COL21A1: variants seen among roughly 807,000 people sequenced by gnomAD.
The protein encoded by COL21A1 is collagen type XXI alpha 1 chain.
A neutral mutation model predicts 137.9 loss-of-function variants in COL21A1; 149 were observed. The ratio of observed to expected loss-of-function variants is 1.08; its 90% CI spans 0.95 to 1.24. The LOEUF is 1.24. Among genes scored for constraint, COL21A1 ranks in the 50% most tolerant of loss-of-function variants. The pLI is 0.00. For missense variants in COL21A1, 1,167 were observed against 1,158.4 expected (o/e 1.01, Z -0.11); for synonymous variants, 456 against 391.5 (o/e 1.16, Z -1.95).
At chr6:56,257,914 A>G (rs1361226945) in intron 1 of COL21A1, among the ~76,000 whole-genome samples, 2 of 152,126 alleles carry the variant, frequency 1.3e-5, no homozygotes, top group African/African-American at 2.4e-5. Context: ...TCATTATTTA[A>G]TCAGTCAGAA....
chr6:56,150,962 G>A (rs556328400), intron 10 of COL21A1, among the ~76,000 whole-genome samples: 2 of 152,178 alleles, frequency 1.3e-5, no homozygotes, highest in African/African-American at 2.4e-5. Context: ...GGTGGCTCAC[G>A]CCTGTAATCC....
At chr6:56,240,690 A>T (rs1782245619) in intron 1 of COL21A1, among the ~76,000 whole-genome samples, 1 of 152,162 alleles carries the variant, frequency 6.6e-6, no homozygotes, top group Admixed American at 6.5e-5. Context: ...AATGAAAGAG[A>T]ACTTTGCAAG....
At chr6:56,100,226 C>G (rs1158253398) in intron 17 of COL21A1, among the ~76,000 whole-genome samples, 2 of 152,190 alleles carry the variant, frequency 1.3e-5, no homozygotes, top group Non-Finnish European at 2.9e-5. Flanking sequence ...GATGAGTTCT[C>G]TCTTTCCTGT....
chr6:56,107,617 A>G (rs2152180665), intron 16 of COL21A1, among the ~76,000 whole-genome samples: 1 of 140,612 alleles, frequency 7.1e-6, no homozygotes, highest in Non-Finnish European at 1.5e-5. Flanking sequence ...TTGGCAGTGT[A>G]AGCAATATTT....
At chr6:56,164,115 C>T (rs1776390488) in intron 9 of COL21A1, among the ~76,000 whole-genome samples, 1 of 152,048 alleles carries the variant, frequency 6.6e-6, no homozygotes, top group South Asian at 2.1e-4. Flanking sequence ...TCATTTTTTA[C>T]CAGATTGTAA....
intron 1 of COL21A1, among the ~76,000 whole-genome samples, chr6:56,203,547 A>G (rs1042634152): frequency 1.3e-5 from 2 of 152,256 alleles, no homozygotes; most frequent in African/African-American, 4.8e-5. Flanking sequence ...CATAAGACAG[A>G]TATCTTGTCA....
At chr6:56,388,034 G>A (rs1318454490) in intron 1 of COL21A1, among the ~76,000 whole-genome samples, 1 of 152,188 alleles carries the variant, frequency 6.6e-6, no homozygotes, top group Non-Finnish European at 1.5e-5. Flanking sequence ...AGAGGGAAGA[G>A]TACAGAGAAC....
At chr6:56,066,780 G>T (rs1467315211) in intron 23 of COL21A1, among the ~76,000 whole-genome samples, 1 of 151,594 alleles carries the variant, frequency 6.6e-6, no homozygotes, top group Admixed American at 6.6e-5. Context: ...TTGCTGCTAA[G>T]ACACCCAAAA....
At chr6:56,086,771 C>T (rs1012122228) in intron 17 of COL21A1, among the ~76,000 whole-genome samples, 11 of 152,164 alleles carry the variant, frequency 7.2e-5, no homozygotes, top group African/African-American at 2.7e-4. Flanking sequence ...TCCTATAAGG[C>T]AGCAATCCTT....
intron 12 of COL21A1, among the ~76,000 whole-genome samples, chr6:56,135,141 T>C (rs1925173): frequency 0.15 from 22,824 of 152,030 alleles, 1,755 homozygotes; most frequent in Middle Eastern, 0.22. Flanking sequence ...GAAAAAACTA[T>C]TTTACATGAA....
chr6:56,384,780 T>A (rs1019114126), intron 1 of COL21A1, among the ~76,000 whole-genome samples: 6 of 152,198 alleles, frequency 3.9e-5, no homozygotes, highest in Non-Finnish European at 8.8e-5. Flanking sequence ...TAAGCCACTT[T>A]TCCTCTGTGG....
chr6:56,275,842 T>C (rs55734123), intron 1 of COL21A1, among the ~76,000 whole-genome samples: 39,538 of 152,108 alleles, frequency 0.26, 6,408 homozygotes, highest in East Asian at 0.67. Context: ...AAAACAGAGC[T>C]ACCATTTGAC....
chr6:56,232,586 A>G lies in COL21A1; in HGVS notation c.-39+14801T>C, dbSNP rs78386167. On this transcript the variant is annotated intron_variant, in intron 1 of 29. Transcript: ENST00000244728. ...TCTGTTATAAGGACTTTCAGATTCA[A>G]TGGTGTAAAGCAGAAACAGCTGCAC... Among the ~76,000 whole-genome samples the G allele has an allele frequency of 8.3e-3, 1,256 of 152,044 alleles. 21 individuals are homozygous for G. The highest frequency in any genetic ancestry group is 0.029 in the African/African-American group (1,212 of 41,526).
intron 1 of COL21A1, among the ~76,000 whole-genome samples, chr6:56,303,790 G>A (rs1291884045): frequency 6.6e-6 from 1 of 152,120 alleles, no homozygotes; most frequent in Non-Finnish European, 1.5e-5. Flanking sequence ...TGGTGAGAGA[G>A]GGCATCCCTG....
At position 56,077,593 on chromosome 6, in the gene COL21A1, A is replaced by T; in HGVS notation, c.1813-20T>A. ...GATTCCCTAAAAACAAATAAAATAG[A>T]TTTTTAACTTATAAAAAATTGAAGA... On this transcript the variant is annotated intron_variant, in intron 17 of 29. Coordinates refer to ENST00000244728, the MANE Select transcript of COL21A1 (RefSeq NM_030820.4). 1 of 1,474,884 alleles carries T rather than the reference A, an allele frequency of 6.8e-7. No individual in the cohort carries two copies. Among genetic ancestry groups the T allele is most frequent in the Non-Finnish European group, 9.2e-7 (1 of 1,089,112 alleles). The allele number at this position is 1,474,884 out of a possible 1,614,324, so 91.4% of individuals were successfully genotyped here. A position where few individuals can be genotyped will look rare whatever the true frequency, so the allele number is the denominator to read the frequency against.
chr6:56,173,955 T>C (rs1777256510), intron 3 of COL21A1, among the ~76,000 whole-genome samples: 1 of 152,180 alleles, frequency 6.6e-6, no homozygotes, highest in African/African-American at 2.4e-5. Context: ...ACAAAACATG[T>C]CTTATTTAAG....
chr6:56,101,281 C>G (rs1465688200), intron 17 of COL21A1, among the ~76,000 whole-genome samples, 191 bp downstream of exon 17: 1 of 152,094 alleles, frequency 6.6e-6, no homozygotes, highest in African/African-American at 2.4e-5. Flanking sequence ...CAAAATTCTT[C>G]CTGGTTTCTA....
chr6:56,311,755 A>G (rs1427671075), intron 1 of COL21A1, among the ~76,000 whole-genome samples: 12 of 152,220 alleles, frequency 7.9e-5, no homozygotes. Flanking sequence ...GAGCCTTGAC[A>G]TGGTCACTCC....
At chr6:56,188,141 T>C (rs112268417) in intron 1 of COL21A1, among the ~76,000 whole-genome samples, 2,621 of 152,314 alleles carry the variant, frequency 0.017, 77 homozygotes, top group African/African-American at 0.061. Context: ...TAATATCCAA[T>C]GTTTACATGT....
Sources: gnomAD v4.1 joint callset for allele counts (sites outside exome capture counted in the v4.1 genomes callset) on GRCh38, gnomAD v4.1.1 for gene constraint, MANE v1.5 for transcripts, NCBI Gene and HGNC (gene_info 2026-07-23, HGNC 2026-07-21) for gene names.